TRPM8: variants seen among roughly 807,000 people sequenced by gnomAD.
TRPM8 encodes TRPM8 cationic channel.
In TRPM8, 110 loss-of-function variants were observed where a neutral mutation model predicts 133.7. That is an observed-to-expected ratio of 0.82 (90% CI 0.70 to 0.96). TRPM8 has a LOEUF of 0.96. Among genes scored for constraint, TRPM8 ranks in the 40% least tolerant of loss-of-function variants. TRPM8 has a pLI of 0.00. For synonymous variants in TRPM8, 535 were observed against 532.3 expected (o/e 1.01, Z -0.07); for missense variants, 1,291 against 1,379.5 (o/e 0.94, Z 1.02).
intron 20 of TRPM8, among the ~76,000 whole-genome samples, chr2:233,985,032 C>T (rs1011574930): frequency 6.6e-6 from 1 of 150,546 alleles, no homozygotes; most frequent in Non-Finnish European, 1.5e-5. Flanking sequence ...TGCAGTGAGC[C>T]GAGATAGTGC....
chr2:233,967,036 G>A (rs1329837944), intron 15 of TRPM8, among the ~76,000 whole-genome samples: 2 of 152,104 alleles, frequency 1.3e-5, no homozygotes, highest in Non-Finnish European at 2.9e-5. Flanking sequence ...CCACTGCCTG[G>A]GTCTCCATCC....
At chr2:233,920,168 A>T (rs1691380205) in intron 1 of TRPM8, among the ~76,000 whole-genome samples, 1 of 152,190 alleles carries the variant, frequency 6.6e-6, no homozygotes, top group Non-Finnish European at 1.5e-5. Flanking sequence ...TTCCTGTGTG[A>T]GAAACTGTAG....
intron 5 of TRPM8, 90 bp from the exon 6 acceptor site, chr2:233,942,486 G>A (rs1280736194): frequency 2.3e-6 from 3 of 1,295,460 alleles, no homozygotes; most frequent in Non-Finnish European, 3.4e-6. Flanking sequence ...TGCCTACAGG[G>A]ATGGGGCCTT....
In TRPM8 at chr2:233,963,229, A is replaced by G. The variant is rs746827546; in HGVS notation, c.1654-53A>G. 318 of 1,288,954 alleles carry G rather than the reference A, an allele frequency of 2.5e-4. 1 individual carries two copies. The highest frequency in any genetic ancestry group is 3.4e-4 in the Non-Finnish European group (301 of 898,178). The allele number at this position is 1,288,954 out of a possible 1,614,324, so 79.8% of individuals were successfully genotyped here. A position where few individuals can be genotyped will look rare whatever the true frequency, so the allele number is the denominator to read the frequency against. ...TGGGCTACTCTCCTAGGGCTTCCTG[A>G]TCCCAGAACAGTTTCCATTTGCACA... On this transcript the variant is annotated intron_variant, in intron 12 of 25. Coordinates refer to ENST00000324695, the MANE Select transcript of TRPM8 (RefSeq NM_024080.5).
At chr2:233,959,392 T>C (rs997786857) in intron 11 of TRPM8, among the ~76,000 whole-genome samples, 2 of 137,474 alleles carry the variant, frequency 1.5e-5, no homozygotes, top group Non-Finnish European at 3.0e-5. Flanking sequence ...AGAGGTGCAA[T>C]CTTGGCTCAC....
intron 21 of TRPM8, among the ~76,000 whole-genome samples, chr2:233,988,150 C>T (rs1692193114): frequency 6.6e-6 from 1 of 152,166 alleles, no homozygotes; most frequent in South Asian, 2.1e-4. Flanking sequence ...ATCCCCTGCT[C>T]TCTGTCCCCC....
chr2:233,961,463 G>A (rs920268109), intron 12 of TRPM8, among the ~76,000 whole-genome samples: 9 of 151,726 alleles, frequency 5.9e-5, no homozygotes, highest in African/African-American at 9.7e-5. Context: ...CTGCCACCAC[G>A]TGTGGCTAAT....
At chr2:233,966,799 CT>C (rs765530429) in intron 15 of TRPM8, 44 bp downstream of exon 15, 6 of 1,466,964 alleles carry the variant, frequency 4.1e-6, no homozygotes, top group Non-Finnish European at 4.5e-6. Flanking sequence ...AGAAATGGGG[CT>C]TTTATGTCAG....
chr2:233,970,467 G>A (rs1172911568), intron 17 of TRPM8, 41 bp downstream of exon 17: 1 of 1,564,064 alleles, frequency 6.4e-7, no homozygotes, highest in East Asian at 2.2e-5. Context: ...CGCTTCCTCG[G>A]TGGGAGGCAT....
At position 233,927,841 on chromosome 2, in the gene TRPM8, TTCC is replaced by T. The variant is rs1559516361; in HGVS notation, c.117+1189_117+1191del. 4.5e-3 allele frequency among the ~76,000 whole-genome samples: 389 copies of T among 85,814 alleles called. 26 individuals carry two copies. The highest frequency in any genetic ancestry group is 6.6e-3 in the Non-Finnish European group (301 of 45,922). The allele number at this position is 85,814 out of a possible 152,430, so 56.3% of individuals were successfully genotyped here. Reference sequence around the variant, plus strand: ...CTTCCTTCCTTCCTTCCTTCCTTCCTTCCTTCCTTCCTTTCTTTCTCTTTCTTT... The same window carrying T: ...CTTCCTTCCTTCCTTCCTTCCTTCCTTTCCTTCCTTTCTTTCTCTTTCTTT... On this transcript the variant is annotated intron_variant, in intron 2 of 25. Transcript: ENST00000324695.
At chr2:233,973,018 C>T (rs190989362) in intron 17 of TRPM8, among the ~76,000 whole-genome samples, 7 of 152,364 alleles carry the variant, frequency 4.6e-5, no homozygotes, top group East Asian at 1.9e-4. Flanking sequence ...ACTGCCAGCA[C>T]GCTGTCACCT....
chr2:233,996,022 T>TA (rs1692392099), intron 21 of TRPM8, among the ~76,000 whole-genome samples: 1 of 148,606 alleles, frequency 6.7e-6, no homozygotes, highest in Admixed American at 6.7e-5. Flanking sequence ...AAGAAATGAA[T>TA]AAAAAAAGAG....
chr2:233,932,207 C>T (rs1042010132), intron 3 of TRPM8, among the ~76,000 whole-genome samples: 17 of 152,220 alleles, frequency 1.1e-4, no homozygotes, highest in Non-Finnish European at 2.4e-4. Flanking sequence ...GCTTCAACAA[C>T]GTCGCCGAGA....
intron 17 of TRPM8, among the ~76,000 whole-genome samples, chr2:233,971,771 T>C (rs566941185): frequency 4.1e-4 from 62 of 152,250 alleles, no homozygotes; most frequent in Non-Finnish European, 7.5e-4. Context: ...AAAAGCAGTG[T>C]GGACCCAGAA....
At chr2:233,934,821 T>G (rs769277170) in intron 3 of TRPM8, among the ~76,000 whole-genome samples, 1 of 152,230 alleles carries the variant, frequency 6.6e-6, no homozygotes, top group Non-Finnish European at 1.5e-5. Flanking sequence ...GTCATAAAAT[T>G]TGCCCATAAA....
At chr2:233,937,653 C>A in intron 4 of TRPM8, 144 bp downstream of exon 4, 2 of 1,001,366 alleles carry the variant, frequency 2.0e-6, no homozygotes, top group Non-Finnish European at 2.9e-6. Context: ...AAAGATACAT[C>A]TTGTAAAAGC....
At chr2:233,979,706 T>C (rs550784791) in intron 17 of TRPM8, among the ~76,000 whole-genome samples, 3 of 152,378 alleles carry the variant, frequency 2.0e-5, no homozygotes, top group Non-Finnish European at 4.4e-5. Context: ...ACAGCACTTA[T>C]GTGCACATTT....
At chr2:233,949,501 C>T (rs1045438676) in intron 8 of TRPM8, among the ~76,000 whole-genome samples, 1 of 152,162 alleles carries the variant, frequency 6.6e-6, no homozygotes, top group African/African-American at 2.4e-5. Context: ...TCACATAAAA[C>T]ATGTGGCTGC....
intron 11 of TRPM8, 107 bp downstream of exon 11, chr2:233,955,357 G>T (rs1691268860): frequency 1.3e-6 from 1 of 788,040 alleles, no homozygotes; most frequent in Non-Finnish European, 2.1e-6. Context: ...TCTCTTAAAG[G>T]ATTGTTCTGT....
Sources: allele counts gnomAD v4.1 joint callset (sites outside exome capture counted in the v4.1 genomes callset), GRCh38; gene constraint gnomAD v4.1.1; transcripts MANE v1.5; gene names NCBI Gene and HGNC (gene_info 2026-07-23, HGNC 2026-07-21).